GPC6: variants seen among roughly 807,000 people sequenced by gnomAD.
The protein encoded by GPC6 is glypican 6, also known as glypican-6.
In GPC6, 14 loss-of-function variants were observed where a neutral mutation model predicts 55.2. The observed-to-expected ratio is 0.25, with a 90% CI of 0.17 to 0.40. The LOEUF is 0.40. Among genes scored for constraint, GPC6 ranks in the 10% least tolerant of loss-of-function variants. The pLI, the probability that GPC6 is intolerant of heterozygous loss-of-function variation, is 1.00. For missense variants in GPC6, 641 were observed against 708.5 expected (o/e 0.90, Z 1.08); for synonymous variants, 278 against 259.6 (o/e 1.07, Z -0.68).
At chr13:94,208,820 G>A (rs1889984813) in intron 4 of GPC6, among the ~76,000 whole-genome samples, 1 of 149,268 alleles carries the variant, frequency 6.7e-6, no homozygotes, top group Non-Finnish European at 1.5e-5. Context: ...TCGAGACGCT[G>A]AAGCGGGAGG....
intron 1 of GPC6, among the ~76,000 whole-genome samples, chr13:93,532,640 G>A (rs1881912354): frequency 6.6e-6 from 1 of 152,074 alleles, no homozygotes; most frequent in African/African-American, 2.4e-5. Flanking sequence ...CCTCCCATAT[G>A]CTTTATCCCT....
At chr13:93,862,482 T>A (rs1888845793) in intron 3 of GPC6, among the ~76,000 whole-genome samples, 1 of 151,484 alleles carries the variant, frequency 6.6e-6, no homozygotes, top group Non-Finnish European at 1.5e-5. Context: ...AGTCACAAAG[T>A]GGATTACATA....
chr13:93,779,142 T>A (rs942744224), intron 2 of GPC6, among the ~76,000 whole-genome samples: 1 of 152,214 alleles, frequency 6.6e-6, no homozygotes, highest in East Asian at 1.9e-4. Flanking sequence ...ATTATTTATA[T>A]CACTTTCTAT....
chr13:93,638,745 AG>A (rs1348339218), intron 2 of GPC6, among the ~76,000 whole-genome samples: 4 of 152,202 alleles, frequency 2.6e-5, no homozygotes, highest in Non-Finnish European at 5.9e-5. Flanking sequence ...AATAATCACA[AG>A]TTATGCCTTG....
chr13:93,906,156 C>G (rs1208691713), intron 3 of GPC6, among the ~76,000 whole-genome samples: 1 of 151,906 alleles, frequency 6.6e-6, no homozygotes, highest in Non-Finnish European at 1.5e-5. Flanking sequence ...TTGTCTTTCT[C>G]TCTCATTCTC....
Position 94,402,203 on chromosome 13 carries a change from C to T in GPC6, c.1466-812C>T, listed in dbSNP as rs549164069. On this transcript the variant is annotated intron_variant, in intron 8 of 8. Coordinates refer to ENST00000377047, the MANE Select transcript of GPC6 (RefSeq NM_005708.5). The stretch of plus-strand genomic sequence containing the variant: ...TCACTACTATTGCTGCTGCTCCTCT[C>T]ATTTCCTATTTGTAGAACTTGTTTT... Among the ~76,000 whole-genome samples the T allele has an allele frequency of 1.1e-4, 17 of 152,328 alleles. No individual in the cohort carries two copies. The South Asian group carries it at 3.5e-3, about 32-fold the overall frequency.
At chr13:93,793,521 C>T (rs1886109489) in intron 2 of GPC6, among the ~76,000 whole-genome samples, 1 of 152,140 alleles carries the variant, frequency 6.6e-6, no homozygotes, top group East Asian at 1.9e-4. Context: ...TATGAATTAA[C>T]TTTTGCATTC....
rs185348977 is a variant in GPC6, at chr13:93,557,234, A to G, written c.319+11813A>G. On this transcript the variant is annotated intron_variant, in intron 2 of 8. Transcript: ENST00000377047. ...CTCTGTGAGCATGAGGGAATTTCCT[A>G]TTTTCTGGGTATAATATTCCCTCCA... Among the ~76,000 whole-genome samples, 24 of 152,200 alleles carry G rather than the reference A, an allele frequency of 1.6e-4. 1 individual carries two copies. Among genetic ancestry groups the G allele is most frequent in the Non-Finnish European group, 1.5e-5 (1 of 68,000 alleles).
chr13:93,858,036 C>T (rs1888682805), intron 3 of GPC6, among the ~76,000 whole-genome samples: 1 of 151,290 alleles, frequency 6.6e-6, no homozygotes, highest in Non-Finnish European at 1.5e-5. Context: ...AAATTCTACC[C>T]TATAACAAAA....
At chr13:93,586,357 A>G (rs934106608) in intron 2 of GPC6, among the ~76,000 whole-genome samples, 4 of 152,136 alleles carry the variant, frequency 2.6e-5, no homozygotes, top group Non-Finnish European at 5.9e-5. Flanking sequence ...TATCCAGTCT[A>G]TCATTGATGG....
intron 3 of GPC6, among the ~76,000 whole-genome samples, chr13:93,899,823 A>G (rs1432133616): frequency 6.6e-6 from 1 of 152,178 alleles, no homozygotes; most frequent in African/African-American, 2.4e-5. Flanking sequence ...TTATTTATCT[A>G]GTGAATATAA....
chr13:94,336,142 G>A (rs902043783), intron 6 of GPC6, among the ~76,000 whole-genome samples: 1 of 152,086 alleles, frequency 6.6e-6, no homozygotes, highest in Non-Finnish European at 1.5e-5. Context: ...CACCCGAGCC[G>A]CAGGTGTAGC....
chr13:93,967,126 T>G (rs1309374996), intron 3 of GPC6, among the ~76,000 whole-genome samples: 1 of 152,142 alleles, frequency 6.6e-6, no homozygotes, highest in Non-Finnish European at 1.5e-5. Context: ...ACACATGTGG[T>G]GGTTTTGCTA....
intron 1 of GPC6, among the ~76,000 whole-genome samples, chr13:93,424,885 A>G (rs1877066255): frequency 6.6e-6 from 1 of 152,152 alleles, no homozygotes; most frequent in Admixed American, 6.5e-5. Context: ...TGGGAATATT[A>G]GGCCCTTCTC....
chr13:93,341,124 A>G (rs1880241971), intron 1 of GPC6, among the ~76,000 whole-genome samples: 2 of 152,188 alleles, frequency 1.3e-5, no homozygotes, highest in Non-Finnish European at 2.9e-5. Flanking sequence ...CATGGTGTAT[A>G]TATAGCACAT....
intron 2 of GPC6, among the ~76,000 whole-genome samples, chr13:93,617,318 T>A (rs1878763942): frequency 6.6e-6 from 1 of 152,158 alleles, no homozygotes. Context: ...AATCTAGAAT[T>A]AACTCTTTAA....
At chr13:93,729,790 C>T (rs1285315529) in intron 2 of GPC6, among the ~76,000 whole-genome samples, 3 of 152,072 alleles carry the variant, frequency 2.0e-5, no homozygotes, top group Non-Finnish European at 4.4e-5. Flanking sequence ...ACTGGAACAA[C>T]ACAAAGTAAA....
chr13:93,852,868 A>G (rs931813908), intron 3 of GPC6, among the ~76,000 whole-genome samples: 4 of 151,668 alleles, frequency 2.6e-5, no homozygotes, highest in African/African-American at 4.8e-5. Flanking sequence ...CATTCCCAGA[A>G]GGGATCTGTC....
intron 4 of GPC6, among the ~76,000 whole-genome samples, chr13:94,192,548 A>T (rs1889433062): frequency 6.6e-6 from 1 of 152,238 alleles, no homozygotes; most frequent in Non-Finnish European, 1.5e-5. Context: ...ACGTGCCAGT[A>T]AAATATGAGC....
Sources: allele counts gnomAD v4.1 joint callset (sites outside exome capture counted in the v4.1 genomes callset), GRCh38; gene constraint gnomAD v4.1.1; transcripts MANE v1.5; gene names NCBI Gene and HGNC (gene_info 2026-07-23, HGNC 2026-07-21).